Variants in CELF2 observed in about 807,000 individuals in gnomAD.
CELF2 encodes CUG triplet repeat RNA-binding protein 2.
Under a neutral mutation model 62.6 loss-of-function variants are expected in CELF2, and 8 were observed. The ratio of observed to expected loss-of-function variants is 0.13; its 90% CI spans 0.07 to 0.23. CELF2 has a LOEUF of 0.23. Among genes scored for constraint, CELF2 ranks in the 10% least tolerant of loss-of-function variants. The probability of loss-of-function intolerance (pLI) is 1.00; values close to 1 mark genes in which losing one functional copy is unlikely to be tolerated. For synonymous variants in CELF2, 258 were observed against 250.0 expected, an observed-to-expected ratio of 1.03 and a Z score of -0.30; for missense variants, 333 against 671.0, an observed-to-expected ratio of 0.50 and a Z score of 5.56.
intron 2 of CELF2, among the ~76,000 whole-genome samples, chr10:11,183,886 T>G (rs539957119): frequency 6.6e-6 from 1 of 152,344 alleles, no homozygotes; most frequent in East Asian, 1.9e-4. Context: ...TTGTTATCTC[T>G]TAATATTTTT....
chr10:10,691,646 C>G, the CELF2 span, among the ~76,000 whole-genome samples: 3 of 150,806 alleles, frequency 2.0e-5, no homozygotes, highest in Non-Finnish European at 4.4e-5. Context: ...GTTCCTATTT[C>G]TCCACATCCT....
Position 11,257,817 on chromosome 10 carries a change from A to G in CELF2, c.483A>G (p.Pro161=), listed in dbSNP as rs761980166. ...ACGACATCAGGGTGATGTTCTCTCC[A>G]TTTGGCCAGATAGAAGAATGCCGGA... ...NENDIRVMFS[P]FGQIEECRIL... is the part of the protein sequence containing the mutation. The change falls in exon 5 of 13, where the codon CCA becomes CCG. Residue 161 remains proline, a synonymous_variant. Transcript: ENST00000633077. 1.9e-6 allele frequency: 3 copies of G among 1,614,098 alleles called. No homozygotes were observed. Among genetic ancestry groups the G allele is most frequent in the Non-Finnish European group, 2.5e-6 (3 of 1,180,036 alleles).
Position 11,333,925 on chromosome 10 carries a change from G to C in CELF2, c.*4872G>C, listed in dbSNP as rs1426057864. 1.3e-5 allele frequency: 2 copies of C among 152,086 alleles called. No homozygotes were observed. The highest frequency in any genetic ancestry group is 2.9e-5 in the Non-Finnish European group (2 of 67,988). The allele number at this position is 152,086 out of a possible 1,614,324, so 9.4% of individuals were successfully genotyped here. On this transcript the variant is annotated 3_prime_UTR_variant, in exon 13 of 13. Coordinates refer to ENST00000633077, the MANE Select transcript of CELF2 (RefSeq NM_001326342.2). ...ATGGAAATTTTTGTGGCTTGCTCTGGTGGGCCCCTGACAATGACTGATTTC... is the reference window on the plus strand; with the variant it reads ...ATGGAAATTTTTGTGGCTTGCTCTGCTGGGCCCCTGACAATGACTGATTTC...
At chr10:10,501,715 T>C in the CELF2 span, among the ~76,000 whole-genome samples, 2 of 152,180 alleles carry the variant, frequency 1.3e-5, no homozygotes, top group African/African-American at 2.4e-5. Context: ...GGCAGTCATA[T>C]CACTGACAAA....
At chr10:10,567,883 G>T in the CELF2 span, among the ~76,000 whole-genome samples, 1 of 152,084 alleles carries the variant, frequency 6.6e-6, no homozygotes, top group Non-Finnish European at 1.5e-5. Flanking sequence ...CAGCATTTTG[G>T]ATTCCTTCAT....
chr10:11,025,874 C>G (rs141836053), intron 1 of CELF2, among the ~76,000 whole-genome samples: 36 of 152,374 alleles, frequency 2.4e-4, no homozygotes, highest in Non-Finnish European at 4.4e-4. Flanking sequence ...TTTGGATTAA[C>G]TCTGATGAAG....
intron 2 of CELF2, among the ~76,000 whole-genome samples, chr10:11,190,599 C>G (rs897909691): frequency 1.3e-5 from 2 of 150,598 alleles, no homozygotes; most frequent in African/African-American, 4.9e-5. Context: ...GAAAGATTCT[C>G]AAAGGAATTG....
chr10:11,219,499 T>C (rs1292350316), intron 3 of CELF2, among the ~76,000 whole-genome samples: 2 of 152,218 alleles, frequency 1.3e-5, no homozygotes, highest in Non-Finnish European at 2.9e-5. Flanking sequence ...TTTCTCCTTA[T>C]CTAGTTTCAT....
chr10:10,713,998 G>T, the CELF2 span, among the ~76,000 whole-genome samples: 2 of 152,056 alleles, frequency 1.3e-5, no homozygotes, highest in African/African-American at 4.8e-5. Context: ...TTGCATCGCC[G>T]CACTCCAGCC....
chr10:11,318,983 G>A lies in CELF2; in HGVS notation c.1097-2206G>A, dbSNP rs779122898. ...CACCCCTCCATGGGAACTTGGAGGC[G>A]TCCACTGGAGACGAGCTGCTGTCTT... On this transcript the variant is annotated intron_variant, in intron 10 of 12. Transcript: ENST00000633077. This position sits in a 1 kb window ranked among gnomAD's most constrained non-coding sequence, Gnocchi z 5.4. 4.5e-5 allele frequency: 21 copies of A among 471,008 alleles called. No homozygotes were observed. The highest frequency in any genetic ancestry group is 7.5e-5 in the Non-Finnish European group (17 of 227,056). 29.2% of individuals were successfully genotyped at this position (471,008 alleles called of 1,614,324 possible). A position where few individuals can be genotyped will look rare whatever the true frequency, so the allele number is the denominator to read the frequency against.
chr10:11,097,466 G>T (rs972681302), intron 1 of CELF2: 2 of 152,106 alleles, frequency 1.3e-5, no homozygotes, highest in African/African-American at 2.4e-5. Context: ...ATGCAGTCTG[G>T]GAAAATAAAA....
At chr10:10,689,690 G>C in the CELF2 span, among the ~76,000 whole-genome samples, 2 of 152,050 alleles carry the variant, frequency 1.3e-5, no homozygotes, top group Non-Finnish European at 2.9e-5. Flanking sequence ...CAGATTCACC[G>C]AAGAACCTGG....
In CELF2 at chr10:10,981,950, CT is replaced by C. The variant is rs34134637; in HGVS notation, c.89+61973del. Among the ~76,000 whole-genome samples, 1,144 of 125,350 alleles carry C rather than the reference CT, an allele frequency of 9.1e-3. 3 individuals carry two copies. The highest frequency in any genetic ancestry group is 0.023 in the African/African-American group (740 of 31,590). The allele number at this position is 125,350 out of a possible 152,430, so 82.2% of individuals were successfully genotyped here. On this transcript the variant is annotated intron_variant, in intron 2 of 13. Coordinates refer to the CELF2 transcript ENST00000636488. ...AGACCCTCTCCTCGACTTCCTTTTC[CT>C]TTTTTTTTTTTTTTTTTTTTTGAGA...
chr10:10,567,395 G>A, the CELF2 span, among the ~76,000 whole-genome samples: 3 of 152,148 alleles, frequency 2.0e-5, no homozygotes, highest in Admixed American at 6.5e-5. Flanking sequence ...GGGGAAGCTA[G>A]CTCTAAACTA....
chr10:11,032,135 T>G (rs1016865431), intron 1 of CELF2, among the ~76,000 whole-genome samples: 1 of 61,212 alleles, frequency 1.6e-5, no homozygotes, highest in African/African-American at 4.4e-5. Flanking sequence ...CAGCTCCACA[T>G]AGGGCTTAGC....
In CELF2 at chr10:11,165,489, C is replaced by T. The variant is rs772550301; in HGVS notation, c.78C>T (p.Asn26=). The change falls in exon 2 of 13, where the codon AAC becomes AAT. Residue 26 remains asparagine, a synonymous_variant. Coordinates refer to ENST00000633077, the MANE Select transcript of CELF2 (RefSeq NM_001326342.2). This position sits in a 1 kb window ranked among gnomAD's most constrained non-coding sequence, Gnocchi z 7.4. The stretch of plus-strand genomic sequence containing the variant: ...CTCCCGGTTCCGTTTTTGACAGTAA[C>T]GGCACAGCCAACAAGATGAACGGAG... ...EGRLLVPDRI[N]GTANKMNGAL... 1 of 1,612,356 alleles carries T rather than the reference C, an allele frequency of 6.2e-7. No homozygotes were observed. Among genetic ancestry groups the T allele is most frequent in the Admixed American group, 1.7e-5 (1 of 59,872 alleles).
At chr10:10,702,603 G>A in the CELF2 span, among the ~76,000 whole-genome samples, 1 of 152,200 alleles carries the variant, frequency 6.6e-6, no homozygotes, top group Admixed American at 6.5e-5. Context: ...GTGGACTTTT[G>A]AGATGGAGTC....
chr10:10,466,182 C>T, the CELF2 span, among the ~76,000 whole-genome samples: 4 of 152,242 alleles, frequency 2.6e-5, no homozygotes, highest in South Asian at 2.1e-4. Flanking sequence ...AGTTTCCATT[C>T]GTACAAAAGT....
chr10:10,573,878 C>A, the CELF2 span, among the ~76,000 whole-genome samples: 1 of 152,108 alleles, frequency 6.6e-6, no homozygotes, highest in South Asian at 2.1e-4. Context: ...CAAGCCCCTA[C>A]TTTCCAGAGT....
Sources: allele counts gnomAD v4.1 joint callset (sites outside exome capture counted in the v4.1 genomes callset), GRCh38; gene constraint gnomAD v4.1.1; non-coding constraint Gnocchi (gnomAD v3.1); transcripts MANE v1.5; gene names NCBI Gene and HGNC (gene_info 2026-07-23, HGNC 2026-07-21).